Variants in KMT2C observed in about 807,000 individuals in gnomAD.
KMT2C encodes histone-lysine N-methyltransferase 2C.
KMT2C carries 88 observed loss-of-function variants against 507.9 expected under a neutral mutation model. The observed-to-expected ratio is 0.17, with a 90% CI of 0.15 to 0.21. The LOEUF (loss-of-function observed/expected upper bound fraction) is 0.21. KMT2C is among the 10% of genes least tolerant of loss of function. The pLI is 1.00. For synonymous variants in KMT2C, 2,049 were observed against 2,080.8 expected (o/e 0.98, Z 0.42); for missense variants, 4,954 against 5,957.8 (o/e 0.83, Z 5.55).
At chr7:152,320,837 G>A (rs2096766553) in intron 3 of KMT2C, among the ~76,000 whole-genome samples, 1 of 151,892 alleles carries the variant, frequency 6.6e-6, no homozygotes, top group Non-Finnish European at 1.5e-5. Context: ...TACATAGTAG[G>A]CCATAAAAGA....
intron 1 of KMT2C, among the ~76,000 whole-genome samples, chr7:152,389,794 C>T (rs76231969): frequency 1.3e-5 from 2 of 152,108 alleles, no homozygotes; most frequent in South Asian, 2.1e-4. Context: ...GGATTACAGA[C>T]ATTTTCTTCA....
chr7:152,145,078 G>T, intron 54 of KMT2C, 75 bp downstream of exon 54: 1 of 1,539,226 alleles, frequency 6.5e-7, no homozygotes, highest in South Asian at 1.2e-5. Flanking sequence ...GTAAGCAGCA[G>T]ACAAATCAAG....
intron 18 of KMT2C, among the ~76,000 whole-genome samples, chr7:152,227,946 A>C (rs1358380846): frequency 6.6e-6 from 1 of 152,244 alleles, no homozygotes; most frequent in Non-Finnish European, 1.5e-5. Flanking sequence ...CCAAGTCTTA[A>C]GTATAGGGTT....
chr7:152,300,638 T>A (rs2096557646), intron 6 of KMT2C, among the ~76,000 whole-genome samples: 1 of 152,224 alleles, frequency 6.6e-6, no homozygotes. Flanking sequence ...GTAATAAATC[T>A]TAGCCATTAC....
At chr7:152,200,709 GAC>G (rs2094111503) in intron 26 of KMT2C, among the ~76,000 whole-genome samples, 2 of 152,178 alleles carry the variant, frequency 1.3e-5, no homozygotes, top group African/African-American at 2.4e-5. Context: ...CAGCCTCAGT[GAC>G]AGAGTGAGGC....
rs117775261 is a variant in KMT2C, at chr7:152,264,912, T to C, written c.1184+126A>G. 9.5e-3 allele frequency: 10,862 copies of C among 1,139,612 alleles called. 67 individuals carry two copies. The highest frequency in any genetic ancestry group is 0.011 in the Non-Finnish European group (9,851 of 871,274). The allele number at this position is 1,139,612 out of a possible 1,614,324, so 70.6% of individuals were successfully genotyped here. ...TATCCAGTAATTTTTTTAAGTATGA[T>C]GAAGTCACTGAATGAATATAGCTAA... On this transcript the variant is annotated intron_variant, in intron 8 of 58. Coordinates refer to ENST00000262189, the MANE Select transcript of KMT2C (RefSeq NM_170606.3).
chr7:152,182,246 G>C lies in KMT2C; in HGVS notation c.5614C>G (p.Gln1872Glu). ...IPIQDSLSQA[Q>E]TSQPPSPQVF... ...TGCGGTGAGGGTGGCTGAGAAGTCT[G>C]AGCCTGAGAAAGACTATCCTGGATG... is the stretch of plus-strand genomic sequence containing the variant. The change falls in exon 36 of 59, where the codon CAG (glutamine) becomes GAG (glutamate). Residue 1872 changes from glutamine (Q) to glutamate (E), a missense_variant. This residue lies in a region of KMT2C where 1,689 missense variants were observed against 1,654.3 expected (regional missense o/e 1.02). Coordinates refer to ENST00000262189, the MANE Select transcript of KMT2C (RefSeq NM_170606.3). 6.2e-7 allele frequency: 1 copy of C among 1,614,082 alleles called. No individual in the cohort carries two copies. The highest frequency in any genetic ancestry group is 2.2e-5 in the East Asian group (1 of 44,882).
intron 2 of KMT2C, among the ~76,000 whole-genome samples, chr7:152,353,261 A>AGCC (rs1471706928): frequency 6.6e-6 from 1 of 152,068 alleles, no homozygotes; most frequent in Non-Finnish European, 1.5e-5. Context: ...AGTCTGCACT[A>AGCC]AAAATACAAA....
intron 6 of KMT2C, among the ~76,000 whole-genome samples, chr7:152,300,966 G>C (rs1275144420): frequency 1.3e-5 from 2 of 152,100 alleles, no homozygotes; most frequent in Non-Finnish European, 2.9e-5. Context: ...GCTGAGGCAG[G>C]AGAGTCGCTT....
chr7:152,188,652 G>T (rs1316202734), intron 31 of KMT2C, among the ~76,000 whole-genome samples: 2 of 119,694 alleles, frequency 1.7e-5, no homozygotes, highest in African/African-American at 6.9e-5. Context: ...TCACTCTGTC[G>T]CCCAGGCTGG....
chr7:152,366,049 C>T (rs1166237394), intron 1 of KMT2C, among the ~76,000 whole-genome samples: 1 of 152,164 alleles, frequency 6.6e-6, no homozygotes. Flanking sequence ...TATACCACCT[C>T]ACACCCATTA....
chr7:152,290,470 C>T (rs369840104), intron 6 of KMT2C, among the ~76,000 whole-genome samples: 2 of 150,142 alleles, frequency 1.3e-5, no homozygotes, highest in Admixed American at 6.7e-5. Context: ...CTACCATGCC[C>T]GGCTGATTTT....
chr7:152,195,490 A>G, intron 28 of KMT2C: 1 of 963,880 alleles, frequency 1.0e-6, no homozygotes, highest in Non-Finnish European at 1.2e-6. Flanking sequence ...GACTACTTCT[A>G]GTCAGCCGTC....
At chr7:152,300,873 C>T (rs1240032793) in intron 6 of KMT2C, among the ~76,000 whole-genome samples, 2 of 152,072 alleles carry the variant, frequency 1.3e-5, no homozygotes, top group East Asian at 3.9e-4. Flanking sequence ...TCCTAGCCAA[C>T]ATGGCGAAAC....
chr7:152,374,220 G>A (rs2097311493), intron 1 of KMT2C, among the ~76,000 whole-genome samples: 2 of 151,858 alleles, frequency 1.3e-5, no homozygotes, highest in Non-Finnish European at 2.9e-5. Context: ...GGAGGCTGAG[G>A]CACAAGAATC....
At chr7:152,218,125 A>C (rs2094635585) in intron 23 of KMT2C, among the ~76,000 whole-genome samples, 1 of 152,142 alleles carries the variant, frequency 6.6e-6, no homozygotes, top group African/African-American at 2.4e-5. Flanking sequence ...CACACTACAA[A>C]ACAAAAATTA....
chr7:152,393,898 CAAA>C (rs745616896), intron 1 of KMT2C, among the ~76,000 whole-genome samples: 3 of 65,292 alleles, frequency 4.6e-5, no homozygotes, highest in Non-Finnish European at 9.9e-5. Context: ...AACTCCATCT[CAAA>C]AAAAAAAAAA....
chr7:152,162,278 C>G lies in KMT2C; in HGVS notation c.11299G>C (p.Ala3767Pro), dbSNP rs765343820. ...QSPPHSAGAP[A>P]AKGDSGNELL... ...TCATTCCCTGAGTCTCCTTTGGCAG[C>G]AGGGGCCCCAGCAGAATGGGGAGGA... Residue 3767 changes from alanine (A) to proline (P), a missense_variant, in exon 43 of 59, where the codon GCT becomes CCT. Transcript: ENST00000262189. 1.2e-6 allele frequency: 2 copies of G among 1,614,176 alleles called. No individual in the cohort carries two copies. The highest frequency in any genetic ancestry group is 1.7e-6 in the Non-Finnish European group (2 of 1,180,022).
rs766514400 is a variant in KMT2C, at chr7:152,163,780, C to T, written c.9797G>A (p.Arg3266Gln). Residue 3266 changes from arginine (R) to glutamine (Q), a missense_variant, in exon 43 of 59, where the codon CGG (arginine) becomes CAG (glutamine). This residue lies in a region of KMT2C where 71 missense variants were observed against 139.2 expected (regional missense o/e 0.51). Coordinates refer to ENST00000262189, the MANE Select transcript of KMT2C (RefSeq NM_170606.3). ...TGCACATTGCTGCTGCTGTTTGATC[C>T]GATAATCTTCAATCAATTCAGCATG... ...KEHAELIEDY[R>Q]IKQQQQCAMA... 1.6e-5 allele frequency: 26 copies of T among 1,614,126 alleles called. No individual in the cohort carries two copies. Among genetic ancestry groups the T allele is most frequent in the Non-Finnish European group, 2.1e-5 (25 of 1,180,030 alleles).
Sources: allele counts gnomAD v4.1 joint callset (sites outside exome capture counted in the v4.1 genomes callset), GRCh38; gene constraint gnomAD v4.1.1; regional missense constraint gnomAD v4.1.1; transcripts MANE v1.5; gene names NCBI Gene and HGNC (gene_info 2026-07-23, HGNC 2026-07-21).